Variants in CENPH observed in about 807,000 individuals in gnomAD.
The protein encoded by CENPH is CENP-H.
A neutral mutation model predicts 42.9 loss-of-function variants in CENPH; 40 were observed. That is an observed-to-expected ratio of 0.93 (90% CI 0.72 to 1.21). The LOEUF is 1.21. CENPH is among the 50% of genes most tolerant of loss of function. The pLI is 0.00. For synonymous variants in CENPH, 88 were observed against 96.5 expected (o/e 0.91, Z 0.52); for missense variants, 302 against 292.9 (o/e 1.03, Z -0.23).
rs533092337 is a variant in CENPH, at chr5:69,198,532, T to G, written c.371+1423T>G. On this transcript the variant is annotated intron_variant, in intron 5 of 8. Transcript: ENST00000283006. ...CTGACCTAGGCACTTCTATCTTGAGTATCTTAGCCCACACTGCTACACATT... is the reference window on the plus strand; with the variant it reads ...CTGACCTAGGCACTTCTATCTTGAGGATCTTAGCCCACACTGCTACACATT... 6.5e-4 allele frequency among the ~76,000 whole-genome samples: 99 copies of G among 152,246 alleles called. 3 individuals carry two copies. In the South Asian group the frequency reaches 0.02, roughly 31 times the overall value.
chr5:69,207,305 C>G (rs997915001), intron 7 of CENPH, among the ~76,000 whole-genome samples: 2 of 151,838 alleles, frequency 1.3e-5, no homozygotes, highest in African/African-American at 4.8e-5. Context: ...TCTCCTGCCT[C>G]AGCCTCCTGA....
At chr5:69,195,424 A>G (rs2112084004) in intron 3 of CENPH, among the ~76,000 whole-genome samples, 1 of 152,206 alleles carries the variant, frequency 6.6e-6, no homozygotes, top group Admixed American at 6.5e-5. Flanking sequence ...TTATTTTTCC[A>G]AATAACTTGT....
chr5:69,197,161 CT>C, intron 5 of CENPH, 52 bp downstream of exon 5: 1 of 1,151,834 alleles, frequency 8.7e-7, no homozygotes, highest in Non-Finnish European at 1.2e-6. Context: ...TGCATAGTGA[CT>C]TTAGTTTTGT....
intron 3 of CENPH, among the ~76,000 whole-genome samples, chr5:69,195,239 T>C (rs1259536118): frequency 6.6e-6 from 1 of 151,906 alleles, no homozygotes; most frequent in Non-Finnish European, 1.5e-5. Flanking sequence ...AAAATATATA[T>C]ATATTTTGTA....
Position 69,189,689 on chromosome 5 carries a change from GA to G in CENPH, c.57del (p.Gly20AlafsTer21). ...DADEPADSGG[E>X]GRAGGPPQVA... is the part of the protein sequence containing the mutation. ...CGACGAGCCCGCGGACTCCGGAGGG[GA>G]AGGCCGGGCAGGCGGGCCACCGCAG... On this transcript the variant is annotated frameshift_variant, in exon 1 of 9. Transcript: ENST00000283006. LOFTEE classifies it high-confidence loss of function. The G allele has an allele frequency of 6.3e-7, 1 of 1,592,020 alleles. No homozygotes were observed.
chr5:69,204,307 G>A (rs1748111614), intron 7 of CENPH, among the ~76,000 whole-genome samples: 1 of 151,334 alleles, frequency 6.6e-6, no homozygotes, highest in Admixed American at 6.6e-5. Context: ...TCAGATAAGG[G>A]TCTTGTTCTG....
Position 69,191,901 on chromosome 5 carries a change from T to G in CENPH, c.190+51T>G, listed in dbSNP as rs377427876. ...GGTTTTGTTGTTTGTTTGTTTGTTT[T>G]TTTGAGACAGGGTCTTGCTATCACC... On this transcript the variant is annotated intron_variant, in intron 2 of 8. Coordinates refer to ENST00000283006, the MANE Select transcript of CENPH (RefSeq NM_022909.4). 256 of 1,108,608 alleles carry G rather than the reference T, an allele frequency of 2.3e-4. No homozygotes were observed. The African/African-American group carries it at 3.6e-3, about 16-fold the overall frequency. The allele number at this position is 1,108,608 out of a possible 1,614,324, so 68.7% of individuals were successfully genotyped here.
chr5:69,202,378 T>C, intron 5 of CENPH, 128 bp from the exon 6 acceptor site: 2 of 554,828 alleles, frequency 3.6e-6, no homozygotes, highest in Non-Finnish European at 6.4e-6. Flanking sequence ...AACTGACTTT[T>C]TATCCAAGTG....
At chr5:69,205,497 G>A (rs1309016900) in intron 7 of CENPH, among the ~76,000 whole-genome samples, 2 of 152,112 alleles carry the variant, frequency 1.3e-5, no homozygotes, top group South Asian at 2.1e-4. Context: ...AAAGTGCTGG[G>A]ATTATAGGCG....
intron 1 of CENPH, 85 bp downstream of exon 1, chr5:69,189,853 A>G (rs1447929605): frequency 5.1e-6 from 7 of 1,375,218 alleles, no homozygotes; most frequent in African/African-American, 1.5e-5. Context: ...CTAGGGTTCG[A>G]ATTCACGCTC....
chr5:69,201,166 A>G (rs1038356334), intron 5 of CENPH, among the ~76,000 whole-genome samples: 2 of 152,146 alleles, frequency 1.3e-5, no homozygotes, highest in East Asian at 1.9e-4. Flanking sequence ...AGGAATCCTT[A>G]CTTAACGAAC....
chr5:69,207,660 T>C (rs1323153339), intron 7 of CENPH: 3 of 151,464 alleles, frequency 2.0e-5, no homozygotes, highest in East Asian at 4.0e-4. Context: ...AATGCAAACA[T>C]TAGCCAGGTG....
At chr5:69,192,274 G>T (rs1747889865) in intron 2 of CENPH, among the ~76,000 whole-genome samples, 1 of 152,158 alleles carries the variant, frequency 6.6e-6, no homozygotes, top group African/African-American at 2.4e-5. Context: ...AGAGGGAGGG[G>T]CTTCTTTTCA....
At chr5:69,196,262 C>T (rs570835472) in intron 4 of CENPH, among the ~76,000 whole-genome samples, 34 of 152,230 alleles carry the variant, frequency 2.2e-4, no homozygotes, top group Middle Eastern at 3.4e-3. Flanking sequence ...AGAAAATTTG[C>T]ATTACAGATG....
intron 1 of CENPH, 67 bp downstream of exon 1, chr5:69,189,835 C>T (rs1747834532): frequency 7.1e-7 from 1 of 1,406,796 alleles, no homozygotes; most frequent in Non-Finnish European, 9.3e-7. Flanking sequence ...CGCCCTTGCT[C>T]AGAAGGGCTA....
rs756457272 is a variant in CENPH at position 69,197,048 on chromosome 5, C to A, written c.315-5C>A. On this transcript the variant is annotated splice_region_variant and splice_polypyrimidine_tract_variant and intron_variant, in intron 4 of 8. Transcript: ENST00000283006. The stretch of plus-strand genomic sequence containing the variant: ...TTTATAATGCAAGCTTTTTCCCTCT[C>A]ATAGGATGAGACTTTCAACTGCACT... 2 of 1,557,094 alleles carry A rather than the reference C, an allele frequency of 1.3e-6. No homozygotes were observed. Among genetic ancestry groups the A allele is most frequent in the Non-Finnish European group, 1.7e-6 (2 of 1,157,594 alleles).
chr5:69,209,185 T>C (rs1421336225), intron 8 of CENPH, among the ~76,000 whole-genome samples: 3 of 152,110 alleles, frequency 2.0e-5, no homozygotes, highest in Non-Finnish European at 4.4e-5. Context: ...TTCCCTAACA[T>C]TATGGAGATC....
In CENPH at chr5:69,204,597, C is replaced by CTTTTTTTTTTTTT. The variant is rs530678541; in HGVS notation, c.487+1639_487+1651dup. Among the ~76,000 whole-genome samples the CTTTTTTTTTTTTT allele has an allele frequency of 7.0e-4, 49 of 69,594 alleles. 3 individuals carry two copies. The highest frequency in any genetic ancestry group is 0.018 in the Middle Eastern group (1 of 56). The allele number at this position is 69,594 out of a possible 152,430, so 45.7% of individuals were successfully genotyped here. A position where few individuals can be genotyped will look rare whatever the true frequency, so the allele number is the denominator to read the frequency against. ...GAGCTACCACACCTGGCTTGTATTT[C>CTTTTTTTTTTTTT]TTTTTTTTTTTTTTTTTTTTTTTTG... On this transcript the variant is annotated intron_variant, in intron 7 of 8. Coordinates refer to ENST00000283006, the MANE Select transcript of CENPH (RefSeq NM_022909.4).
intron 1 of CENPH, among the ~76,000 whole-genome samples, chr5:69,191,528 C>T (rs934505122): frequency 1.3e-5 from 2 of 152,082 alleles, no homozygotes; most frequent in African/African-American, 4.8e-5. Flanking sequence ...AGAAAAAAAT[C>T]TTAAACACCA....
Sources: allele counts gnomAD v4.1 joint callset (sites outside exome capture counted in the v4.1 genomes callset), GRCh38; gene constraint gnomAD v4.1.1; transcripts MANE v1.5; gene names NCBI Gene and HGNC (gene_info 2026-07-23, HGNC 2026-07-21).